The following BACH2 variants were observed in gnomAD, a reference collection of about 807,000 sequenced individuals.
The protein encoded by BACH2 is BACH transcriptional regulator 2.
A neutral mutation model predicts 61.8 loss-of-function variants in BACH2; 5 were observed. The observed-to-expected ratio is 0.08, with a 90% CI of 0.04 to 0.17. The LOEUF is 0.17. Ranked by LOEUF, BACH2 falls within the 10% of genes least tolerant of loss-of-function variation. The pLI is 1.00. For synonymous variants in BACH2, 446 were observed against 440.1 expected (o/e 1.01, Z -0.17); for missense variants, 824 against 1,091.1 (o/e 0.76, Z 3.45).
At chr6:89,973,789 C>CTTATGTAAG (rs1449746887) in intron 6 of BACH2, among the ~76,000 whole-genome samples, 1 of 151,868 alleles carries the variant, frequency 6.6e-6, no homozygotes, top group Non-Finnish European at 1.5e-5. Flanking sequence ...AAGGTAGGTT[C>CTTATGTAAG]TTATGTAAGT....
At chr6:89,984,646 G>GT (rs1776141747) in intron 6 of BACH2, among the ~76,000 whole-genome samples, 2 of 152,288 alleles carry the variant, frequency 1.3e-5, no homozygotes, top group African/African-American at 4.8e-5. Flanking sequence ...TGCCACTGTG[G>GT]TTTTCTTTGA....
chr6:90,220,902 C>T (rs1391464570), intron 3 of BACH2, among the ~76,000 whole-genome samples: 1 of 152,196 alleles, frequency 6.6e-6, no homozygotes, highest in Admixed American at 6.5e-5. Context: ...GGTATTTGTG[C>T]TTTTCATAAA....
intron 6 of BACH2, among the ~76,000 whole-genome samples, chr6:89,979,702 C>T (rs764532518): frequency 6.6e-6 from 1 of 151,902 alleles, no homozygotes; most frequent in Non-Finnish European, 1.5e-5. Flanking sequence ...TTGAACAAAC[C>T]GAAACAAAAA....
chr6:90,098,966 T>C lies in BACH2; in HGVS notation c.-161-9857A>G, dbSNP rs77668844. Among the ~76,000 whole-genome samples, 877 of 152,362 alleles carry C rather than the reference T, an allele frequency of 5.8e-3. 11 individuals are homozygous for C. Among genetic ancestry groups the C allele is most frequent in the African/African-American group, 0.02 (832 of 41,584 alleles). On this transcript the variant is annotated intron_variant, in intron 4 of 8. Coordinates refer to ENST00000257749, the MANE Select transcript of BACH2 (RefSeq NM_021813.4). ...CCCAGTGTTAGGTTTTGCTTTTCAATTGGCAATCTTGGATCCTGTGGTCCC... is the reference window on the plus strand; with the variant it reads ...CCCAGTGTTAGGTTTTGCTTTTCAACTGGCAATCTTGGATCCTGTGGTCCC...
At chr6:90,219,992 A>G (rs1248889954) in intron 3 of BACH2, among the ~76,000 whole-genome samples, 1 of 151,960 alleles carries the variant, frequency 6.6e-6, no homozygotes, top group Non-Finnish European at 1.5e-5. Context: ...AACAGCCCAC[A>G]TTGAAAGAGA....
intron 1 of BACH2, among the ~76,000 whole-genome samples, chr6:90,295,879 T>A (rs1772347294): frequency 6.6e-6 from 1 of 152,196 alleles, no homozygotes; most frequent in African/African-American, 2.4e-5. Flanking sequence ...TGGGCTTTGA[T>A]TCCCCGCCGG....
chr6:90,282,078 G>A (rs1771873645), intron 1 of BACH2, among the ~76,000 whole-genome samples: 1 of 152,050 alleles, frequency 6.6e-6, no homozygotes, highest in Admixed American at 6.5e-5. Context: ...GTGCTGATTC[G>A]ATTCAATGTT....
intron 1 of BACH2, among the ~76,000 whole-genome samples, chr6:90,289,878 A>G (rs1182902497): frequency 6.6e-6 from 1 of 152,200 alleles, no homozygotes; most frequent in Admixed American, 6.5e-5. Flanking sequence ...GCTGACTGGG[A>G]GAGAATATCT....
chr6:90,175,875 T>C (rs1414134398), intron 4 of BACH2, among the ~76,000 whole-genome samples: 2 of 152,086 alleles, frequency 1.3e-5, no homozygotes, highest in African/African-American at 2.4e-5. Flanking sequence ...AATATTTCTC[T>C]GCCTTTACTA....
chr6:90,137,378 G>A (rs1784304475), intron 4 of BACH2, among the ~76,000 whole-genome samples: 1 of 152,064 alleles, frequency 6.6e-6, no homozygotes, highest in African/African-American at 2.4e-5. Context: ...TGAGTGTAAT[G>A]TGATGGTTTT....
rs78473968 is a variant in BACH2, at chr6:90,142,438, T to A, written c.-161-53329A>T. Among the ~76,000 whole-genome samples the A allele has an allele frequency of 2.3e-3, 347 of 152,328 alleles. 2 individuals are homozygous for A. The highest frequency in any genetic ancestry group is 7.7e-3 in the African/African-American group (320 of 41,572). Reference sequence around the variant, plus strand: ...AGTTTCTGTTGAATTTCAACACTTATTTTTACAGCAATTCTATCAAGTGAC... The same window carrying A: ...AGTTTCTGTTGAATTTCAACACTTAATTTTACAGCAATTCTATCAAGTGAC... On this transcript the variant is annotated intron_variant, in intron 4 of 8. Transcript: ENST00000257749.
At chr6:90,028,028 C>G (rs1310903442) in intron 5 of BACH2, among the ~76,000 whole-genome samples, 1 of 152,132 alleles carries the variant, frequency 6.6e-6, no homozygotes, top group Non-Finnish European at 1.5e-5. Context: ...GCTTAATTTC[C>G]ATCCAAGACC....
At chr6:90,042,817 CACAATA>C (rs1446298116) in intron 5 of BACH2, among the ~76,000 whole-genome samples, 1 of 152,140 alleles carries the variant, frequency 6.6e-6, no homozygotes, top group African/African-American at 2.4e-5. Flanking sequence ...AAAAGCAGTT[CACAATA>C]ACAATATTTG....
intron 3 of BACH2, among the ~76,000 whole-genome samples, chr6:90,213,201 G>A (rs892977957): frequency 1.1e-4 from 16 of 152,268 alleles, no homozygotes; most frequent in African/African-American, 3.1e-4. Context: ...TGGGGCATCC[G>A]GGGAGTCTGC....
intron 4 of BACH2, among the ~76,000 whole-genome samples, chr6:90,138,327 G>T (rs1346443347): frequency 6.6e-6 from 1 of 151,950 alleles, no homozygotes; most frequent in Non-Finnish European, 1.5e-5. Context: ...ACATGGTGAA[G>T]CCCCGTCTCT....
At chr6:90,179,854 C>A (rs1000808825) in intron 4 of BACH2, among the ~76,000 whole-genome samples, 2 of 152,070 alleles carry the variant, frequency 1.3e-5, no homozygotes, top group Non-Finnish European at 2.9e-5. Flanking sequence ...TATCTAAGAA[C>A]AAATACAAAG....
chr6:90,083,689 G>A (rs1781813985), intron 5 of BACH2, among the ~76,000 whole-genome samples: 1 of 152,074 alleles, frequency 6.6e-6, no homozygotes, highest in Admixed American at 6.5e-5. Flanking sequence ...TTTAACCTCT[G>A]GCACTGGAAA....
At chr6:90,283,469 G>A (rs1771920601) in intron 1 of BACH2, among the ~76,000 whole-genome samples, 1 of 151,546 alleles carries the variant, frequency 6.6e-6, no homozygotes, top group African/African-American at 2.4e-5. Flanking sequence ...TCTGTTTCCT[G>A]GGTTCACACC....
chr6:90,172,093 G>GTAGTGA, intron 4 of BACH2, among the ~76,000 whole-genome samples: 1 of 152,228 alleles, frequency 6.6e-6, no homozygotes, highest in East Asian at 1.9e-4. Context: ...GGATCACGAG[G>GTAGTGA]TCAGTAGTTC....
Sources: allele counts gnomAD v4.1 joint callset (sites outside exome capture counted in the v4.1 genomes callset), GRCh38; gene constraint gnomAD v4.1.1; transcripts MANE v1.5; gene names NCBI Gene and HGNC (gene_info 2026-07-23, HGNC 2026-07-21).